Variants in RASGRP4 observed in about 807,000 individuals in gnomAD.
The protein encoded by RASGRP4 is RAS guanyl-releasing protein 4.
A neutral mutation model predicts 84.4 loss-of-function variants in RASGRP4; 52 were observed. The ratio of observed to expected loss-of-function variants is 0.62; its 90% CI spans 0.49 to 0.78. The LOEUF (loss-of-function observed/expected upper bound fraction) is 0.78, where lower values mean the gene tolerates loss of function less well. RASGRP4 is among the 30% of genes least tolerant of loss of function. The pLI is 0.00. For synonymous variants in RASGRP4, 356 were observed against 359.1 expected, an observed-to-expected ratio of 0.99 and a Z score of 0.10; for missense variants, 760 against 886.9, an observed-to-expected ratio of 0.86 and a Z score of 1.82.
intron 8 of RASGRP4, among the ~76,000 whole-genome samples, chr19:38,415,854 T>A (rs1971478136): frequency 6.7e-6 from 1 of 148,440 alleles, no homozygotes; most frequent in Non-Finnish European, 1.5e-5. Flanking sequence ...AGGTCAGGAG[T>A]TCGAGAACAG....
At chr19:38,425,991 G>A in intron 1 of RASGRP4, 78 bp downstream of exon 1, 1 of 1,222,482 alleles carries the variant, frequency 8.2e-7, no homozygotes, top group Non-Finnish European at 1.1e-6. Context: ...TGCCACCCTG[G>A]CGAGTGATCT....
intron 13 of RASGRP4, 105 bp from the exon 14 acceptor site, chr19:38,411,486 A>T: frequency 9.1e-7 from 1 of 1,100,786 alleles, no homozygotes; most frequent in Non-Finnish European, 1.3e-6. Context: ...AGGTTTTGAA[A>T]TTCTCAAGGC....
chr19:38,423,236 G>A (rs536386579), intron 1 of RASGRP4, among the ~76,000 whole-genome samples: 1 of 152,328 alleles, frequency 6.6e-6, no homozygotes, highest in South Asian at 2.1e-4. Context: ...AAGAGAGCAA[G>A]GCTCTTGGAC....
chr19:38,412,681 G>A lies in RASGRP4; in HGVS notation c.1671C>T (p.Cys557=). ...GGGGTGGGGTGCTCACGAAGCCACTGCAGCTGTCGCAGAAGGTAGGCTTTC... is the reference window on the plus strand; with the variant it reads ...GGGGTGGGGTGCTCACGAAGCCACTACAGCTGTCGCAGAAGGTAGGCTTTC... ...TFRKPTFCDS[C]SGFLWGVTKQ... Residue 557 remains cysteine (C), a synonymous_variant, in exon 13 of 17, where the codon TGC becomes TGT. Transcript: ENST00000615439. The surrounding 1 kb of genome is among the most constrained non-coding windows in gnomAD (Gnocchi z 4.6). The A allele has an allele frequency of 6.2e-7, 1 of 1,613,212 alleles. No individual in the cohort carries two copies. Among genetic ancestry groups the A allele is most frequent in the Non-Finnish European group, 8.5e-7 (1 of 1,179,580 alleles).
In RASGRP4 at chr19:38,411,150, G is replaced by A; in HGVS notation, c.1817C>T (p.Pro606Leu). Reference sequence around the variant, plus strand: ...ATGGGGAGCTGGTGTGGATGGGACAGGAGCTCCGGGGGGTCCTGCATCGCC... The same window carrying A: ...ATGGGGAGCTGGTGTGGATGGGACAAGAGCTCCGGGGGGTCCTGCATCGCC... ...AKGDAGPPGA[P>L]VPSTPAPHAS... Residue 606 changes from proline to leucine, a missense_variant, in exon 15 of 17, where the codon CCT (proline) becomes CTT (leucine). By Grantham distance (98) the Pro-to-Leu change is moderately conservative. Transcript: ENST00000615439. The A allele has an allele frequency of 6.2e-7, 1 of 1,613,888 alleles. No individual in the cohort carries two copies.
At chr19:38,419,663 A>C (rs1226296568) in intron 6 of RASGRP4, among the ~76,000 whole-genome samples, 197 bp downstream of exon 6, 1 of 152,150 alleles carries the variant, frequency 6.6e-6, no homozygotes, top group Non-Finnish European at 1.5e-5. Flanking sequence ...CAAACTCCTG[A>C]CCTCAGGCGA....
chr19:38,409,426 CAGAG>C lies in RASGRP4; in HGVS notation c.*610_*613del, dbSNP rs1306057188. On this transcript the variant is annotated 3_prime_UTR_variant, in exon 17 of 17. Coordinates refer to ENST00000615439, the MANE Select transcript of RASGRP4 (RefSeq NM_170604.3). ...TAAAGAGGGAAAAAGTATAGGCTGT[CAGAG>C]GGAGCACATTCTATGCAGAAAAACA... is the stretch of plus-strand genomic sequence containing the variant. 2 of 152,168 alleles carry C rather than the reference CAGAG, an allele frequency of 1.3e-5. No individual in the cohort carries two copies. Among genetic ancestry groups the C allele is most frequent in the South Asian group, 2.1e-4 (1 of 4,812 alleles). The allele number at this position is 152,168 out of a possible 1,614,324, so 9.4% of individuals were successfully genotyped here.
Position 38,426,114 on chromosome 19 carries a change from G to GC in RASGRP4, c.-24dup, listed in dbSNP as rs1971984439. On this transcript the variant is annotated 5_prime_UTR_variant, in exon 1 of 17. Coordinates refer to ENST00000615439, the MANE Select transcript of RASGRP4 (RefSeq NM_170604.3). ...CATGCTTCCCGCGTGGGGTGAGGAG[G>GC]CCGGGGGTCTTGCAAGAGTAGGGCT... is the stretch of plus-strand genomic sequence containing the variant. The GC allele has an allele frequency of 1.5e-6, 2 of 1,322,116 alleles. No homozygotes were observed. Among genetic ancestry groups the GC allele is most frequent in the African/African-American group, 3.0e-5 (2 of 66,286 alleles). 81.9% of individuals were successfully genotyped at this position (1,322,116 alleles called of 1,614,324 possible).
Position 38,420,176 on chromosome 19 carries a change from C to T in RASGRP4, c.464G>A (p.Arg155Gln), listed in dbSNP as rs777144681. 136 of 1,613,326 alleles carry T rather than the reference C, an allele frequency of 8.4e-5. No individual in the cohort carries two copies. The highest frequency in any genetic ancestry group is 1.0e-4 in the Non-Finnish European group (121 of 1,179,676). ...TCTTCTCTGGGCTGAGTTGCCCTCC[C>T]GGGCCACGGTGGCCCAGAAACGACC... The part of the protein sequence containing the change: ...VIGRFWATVA[R>Q]EGNSAQRRLG... Residue 155 changes from arginine to glutamine, a missense_variant, in exon 5 of 17, where the codon CGG becomes CAG. Coordinates refer to ENST00000615439, the MANE Select transcript of RASGRP4 (RefSeq NM_170604.3).
chr19:38,424,883 C>T (rs957238628), intron 1 of RASGRP4, among the ~76,000 whole-genome samples: 2 of 151,672 alleles, frequency 1.3e-5, no homozygotes, highest in African/African-American at 4.8e-5. Flanking sequence ...CAACCCAGAC[C>T]TACAAAATCA....
In RASGRP4 at chr19:38,415,042, A is replaced by C. The variant is rs748462834; in HGVS notation, c.1036T>G (p.Phe346Val). Reference protein sequence around the residue: ...YRRTWAGCAGFRLPVLGVHLK... With the variant: ...YRRTWAGCAGVRLPVLGVHLK... ...TGCACGCCCAGTACAGGCAGCCGGA[A>C]ACCCGCGCAGCCAGCCCAGGTGCGG... Residue 346 changes from phenylalanine to valine, a missense_variant, in exon 9 of 17, where the codon TTC (phenylalanine) becomes GTC (valine). Phe to Val is a conservative substitution (Grantham distance 50). Transcript: ENST00000615439. 5.7e-5 allele frequency: 91 copies of C among 1,608,058 alleles called. No individual in the cohort carries two copies. Among genetic ancestry groups the C allele is most frequent in the Non-Finnish European group, 7.7e-5 (91 of 1,177,718 alleles).
chr19:38,419,726 G>T, intron 6 of RASGRP4, 134 bp downstream of exon 6: 2 of 925,666 alleles, frequency 2.2e-6, no homozygotes, highest in Non-Finnish European at 1.6e-6. Context: ...TAGCATACAG[G>T]TTTGAGTTTA....
Position 38,414,944 on chromosome 19 carries a change from C to T in RASGRP4, c.1134G>A (p.Lys378=), listed in dbSNP as rs771849404. Residue 378 remains lysine, a synonymous_variant, in exon 9 of 17, where the codon AAG becomes AAA. Coordinates refer to ENST00000615439, the MANE Select transcript of RASGRP4 (RefSeq NM_170604.3). ...GCAGCCGCAGGTAGAGGTTGTTCAG[C>T]TTGGGTAGGTGCAGGCGGCCGTCAG... ...RLPDGRLHLP[K]LNNLYLRLQE... is the part of the protein sequence containing the mutation. 1.2e-6 allele frequency: 2 copies of T among 1,613,594 alleles called. No homozygotes were observed. The highest frequency in any genetic ancestry group is 2.2e-5 in the South Asian group (2 of 91,012).
In RASGRP4 at chr19:38,409,919, G is replaced by A. The variant is rs1043499267; in HGVS notation, c.*121C>T. 3 of 673,442 alleles carry A rather than the reference G, an allele frequency of 4.5e-6. No homozygotes were observed. Among genetic ancestry groups the A allele is most frequent in the Non-Finnish European group, 7.7e-6 (3 of 387,918 alleles). 41.7% of individuals were successfully genotyped at this position (673,442 alleles called of 1,614,324 possible). A position where few individuals can be genotyped will look rare whatever the true frequency, so the allele number is the denominator to read the frequency against. On this transcript the variant is annotated 3_prime_UTR_variant, in exon 17 of 17. Coordinates refer to ENST00000615439, the MANE Select transcript of RASGRP4 (RefSeq NM_170604.3). ...GATGACGGACGTACCACTAAAGGCA[G>A]TGTGGATGGGAAGGCGGATGCCTCT...
At chr19:38,423,553 G>C (rs776084992) in intron 1 of RASGRP4, among the ~76,000 whole-genome samples, 1 of 150,440 alleles carries the variant, frequency 6.6e-6, no homozygotes, top group South Asian at 2.1e-4. Flanking sequence ...ATTAAAAAGA[G>C]AGGCCAGTCA....
At chr19:38,410,163 C>A in intron 16 of RASGRP4, 67 bp from the exon 17 acceptor site, 1 of 1,305,602 alleles carries the variant, frequency 7.7e-7, no homozygotes, top group South Asian at 1.3e-5. Flanking sequence ...CTAGGAGACG[C>A]TTCACTGCCA....
Position 38,410,029 on chromosome 19 carries a change from C to A in RASGRP4, c.*11G>T. 1 of 1,608,722 alleles carries A rather than the reference C, an allele frequency of 6.2e-7. No homozygotes were observed. Among genetic ancestry groups the A allele is most frequent in the Non-Finnish European group, 8.5e-7 (1 of 1,177,034 alleles). ...GGAAGGGAGTGAGGAAGAGAGGAGA[C>A]CAAGAGATGTCTAGGAATCCAGCTT... On this transcript the variant is annotated 3_prime_UTR_variant, in exon 17 of 17. Coordinates refer to ENST00000615439, the MANE Select transcript of RASGRP4 (RefSeq NM_170604.3).
At chr19:38,420,816 C>G in intron 4 of RASGRP4, 92 bp downstream of exon 4, 1 of 1,339,952 alleles carries the variant, frequency 7.5e-7, no homozygotes, top group South Asian at 1.2e-5. Flanking sequence ...TCTGTGGGAA[C>G]TGGCCTGGGG....
At position 38,409,150 on chromosome 19, in the gene RASGRP4, G is replaced by C. The variant is rs550126874; in HGVS notation, c.*890C>G. The C allele has an allele frequency of 9.3e-5, 30 of 322,174 alleles. No individual in the cohort carries two copies. In the South Asian group the frequency reaches 1.1e-3, roughly 12 times the overall value. 20.0% of individuals were successfully genotyped at this position (322,174 alleles called of 1,614,324 possible). On this transcript the variant is annotated 3_prime_UTR_variant, in exon 17 of 17. Coordinates refer to ENST00000615439, the MANE Select transcript of RASGRP4 (RefSeq NM_170604.3). ...TGGGGTTTGTGAAGGGGTTGGGGGG[G>C]TCTCTGCTCCCTGGGACTGAATGGG...
Sources: gnomAD v4.1 joint callset for allele counts (sites outside exome capture counted in the v4.1 genomes callset) on GRCh38, gnomAD v4.1.1 for gene constraint, Gnocchi (gnomAD v3.1) non-coding constraint, MANE v1.5 for transcripts, NCBI Gene and HGNC (gene_info 2026-07-23, HGNC 2026-07-21) for gene names.